The following MROH6 variants were observed in gnomAD, a reference collection of about 807,000 sequenced individuals.
MROH6 encodes maestro heat like repeat family member 6.
In MROH6, 62 loss-of-function variants were observed where a neutral mutation model predicts 67.7. The observed-to-expected ratio is 0.92, with a 90% CI of 0.75 to 1.13. The LOEUF (loss-of-function observed/expected upper bound fraction) is 1.13, where lower values mean the gene tolerates loss of function less well. MROH6 is among the 50% of genes most tolerant of loss of function. The pLI is 0.00. For synonymous variants in MROH6, 566 were observed against 470.8 expected (o/e 1.20, Z -2.62); for missense variants, 1,175 against 1,029.1 (o/e 1.14, Z -1.94).
chr8:143,572,157 ACTCC>A lies in MROH6; in HGVS notation c.319_322del (p.Gly107PhefsTer57). 6.2e-7 allele frequency: 1 copy of A among 1,612,800 alleles called. No homozygotes were observed. On this transcript the variant is annotated frameshift_variant, in exon 2 of 14. Coordinates refer to ENST00000398882, the MANE Select transcript of MROH6 (RefSeq NM_001100878.2). LOFTEE classifies it high-confidence loss of function. Reference sequence around the variant, plus strand: ...CGTGTACAACGCGAGGTCGGCAAGAACTCCCTCCTCCCAGGAACTCTGGGGAACC... The same window carrying A: ...CGTGTACAACGCGAGGTCGGCAAGAACTCCTCCCAGGAACTCTGGGGAACC...
intron 1 of MROH6, 29 bp downstream of exon 1, chr8:143,572,392 C>T (rs1190343793): frequency 5.2e-6 from 8 of 1,527,398 alleles, no homozygotes; most frequent in Admixed American, 3.9e-5. Flanking sequence ...CAGGCCGGTT[C>T]GCACAACATC....
In MROH6 at chr8:143,567,625, T is replaced by A. The variant is rs1437482031; in HGVS notation, c.1919A>T (p.Asp640Val). 6.4e-7 allele frequency: 1 copy of A among 1,565,450 alleles called. No individual in the cohort carries two copies. Among genetic ancestry groups the A allele is most frequent in the East Asian group, 2.4e-5 (1 of 41,866 alleles). ...TGGGGCCTCACCCTGGAACAGGGAG[T>A]CCAGCAGGTCCTGGTTGACACAGCC... Reference protein sequence around the residue: ...SPGCVNQDLLDSLFQDLGRLQ... With the variant: ...SPGCVNQDLLVSLFQDLGRLQ... The change falls in exon 13 of 14, where the codon GAC becomes GTC. Residue 640 changes from aspartate to valine, a missense_variant. Physicochemically the swap from Asp to Val is radical, Grantham distance 152 (BLOSUM62 -3). Coordinates refer to ENST00000398882, the MANE Select transcript of MROH6 (RefSeq NM_001100878.2).
At position 143,566,954 on chromosome 8, in the gene MROH6, A is replaced by C; in HGVS notation, c.*285T>G. 3.6e-6 allele frequency: 1 copy of C among 281,216 alleles called. No homozygotes were observed. Among genetic ancestry groups the C allele is most frequent in the Non-Finnish European group, 6.7e-6 (1 of 150,124 alleles). 17.4% of individuals were successfully genotyped at this position (281,216 alleles called of 1,614,324 possible). Reference sequence around the variant, plus strand: ...GGTCCCCCAGCAGACTCAAGAGGCCAGGTGCCATCTGGGCCAGGAGCCAGG... The same window carrying C: ...GGTCCCCCAGCAGACTCAAGAGGCCCGGTGCCATCTGGGCCAGGAGCCAGG... On this transcript the variant is annotated 3_prime_UTR_variant, in exon 14 of 14. Transcript: ENST00000398882.
Position 143,569,860 on chromosome 8 carries a change from T to A in MROH6, c.1159-20A>T. The A allele has an allele frequency of 6.2e-7, 1 of 1,609,938 alleles. No homozygotes were observed. The highest frequency in any genetic ancestry group is 8.5e-7 in the Non-Finnish European group (1 of 1,178,386). ...CAACAGCTAGGCGAGGCACATGGGGTCAGCACGCCCGCGGTCCCCGTGCAG... is the reference window on the plus strand; with the variant it reads ...CAACAGCTAGGCGAGGCACATGGGGACAGCACGCCCGCGGTCCCCGTGCAG... On this transcript the variant is annotated intron_variant, in intron 7 of 13. Coordinates refer to ENST00000398882, the MANE Select transcript of MROH6 (RefSeq NM_001100878.2).
At chr8:143,570,688 G>A (rs1206441573) in intron 4 of MROH6, 31 bp from the exon 5 acceptor site, 2 of 1,570,392 alleles carry the variant, frequency 1.3e-6, no homozygotes. Flanking sequence ...TCAGGCCTGG[G>A]GCACGCCTGG....
Position 143,570,373 on chromosome 8 carries a change from C to T in MROH6, c.913G>A (p.Val305Met). 1 of 1,610,894 alleles carries T rather than the reference C, an allele frequency of 6.2e-7. No individual in the cohort carries two copies. The highest frequency in any genetic ancestry group is 8.5e-7 in the Non-Finnish European group (1 of 1,179,562). Residue 305 changes from valine (V) to methionine (M), a missense_variant, in exon 6 of 14, where the codon GTG becomes ATG. Transcript: ENST00000398882. ...GTGAGCAGCGCCTTCAAGGCCTCCACAGCACAGCTGGTGGTGGGGACAGTG... is the reference window on the plus strand; with the variant it reads ...GTGAGCAGCGCCTTCAAGGCCTCCATAGCACAGCTGGTGGTGGGGACAGTG... The part of the protein sequence containing the change: ...GPPHSHASCA[V>M]EALKALLTGD...
rs200198440 is a variant in MROH6 at position 143,570,605 on chromosome 8, G to T, written c.773C>A (p.Thr258Lys). ...CAGCAGATGTGGGTAGAAGCCCCTC[G>T]TGGCTCCCACGCAGCCCGAAACAGC... is the stretch of plus-strand genomic sequence containing the variant. ...MLAVSGCVGA[T>K]RGFYPHLLLA... The change falls in exon 5 of 14, where the codon ACG (threonine) becomes AAG (lysine). Residue 258 changes from threonine to lysine, a missense_variant. Thr to Lys is a moderately conservative substitution (Grantham distance 78). Transcript: ENST00000398882. The T allele has an allele frequency of 2.3e-5, 37 of 1,602,704 alleles. No individual in the cohort carries two copies. Among genetic ancestry groups the T allele is most frequent in the Non-Finnish European group, 3.1e-5 (37 of 1,179,744 alleles).
chr8:143,569,487 A>G lies in MROH6; in HGVS notation c.1430T>C (p.Leu477Pro). Residue 477 changes from leucine (L) to proline (P), a missense_variant, in exon 9 of 14, where the codon CTC becomes CCC. Transcript: ENST00000398882. Reference sequence around the variant, plus strand: ...GCGCGGTCCCAGCTCCGCGCTCAGGAGCCGCACAGGCGCCCGGGGCCGCAG... The same window carrying G: ...GCGCGGTCCCAGCTCCGCGCTCAGGGGCCGCACAGGCGCCCGGGGCCGCAG... ...LLLRPRAPVR[L>P]LSAELGPRLP... is the part of the protein sequence containing the mutation. 14 of 1,481,390 alleles carry G rather than the reference A, an allele frequency of 9.5e-6. No individual in the cohort carries two copies. In the South Asian group the frequency reaches 1.0e-4, roughly 11 times the overall value. 91.8% of individuals were successfully genotyped at this position (1,481,390 alleles called of 1,614,324 possible). A position where few individuals can be genotyped will look rare whatever the true frequency, so the allele number is the denominator to read the frequency against.
chr8:143,570,036 AGGT>A lies in MROH6; in HGVS notation c.1070_1072del (p.His357del), dbSNP rs776614417. On this transcript the variant is annotated inframe_deletion, in exon 7 of 14. Coordinates refer to ENST00000398882, the MANE Select transcript of MROH6 (RefSeq NM_001100878.2). ...GAGCAAGTCTGCGAAGAGGCCTCGC[AGGT>A]GGTGGTCGGCATGTGCCACCATAGC... 5 of 1,612,496 alleles carry A rather than the reference AGGT, an allele frequency of 3.1e-6. No homozygotes were observed. The African/African-American group carries it at 5.3e-5, about 17-fold the overall frequency.
At chr8:143,568,043 G>A in intron 11 of MROH6, 99 bp downstream of exon 11, 2 of 1,497,112 alleles carry the variant, frequency 1.3e-6, no homozygotes, top group Non-Finnish European at 9.0e-7. Flanking sequence ...AGCCTATCTG[G>A]TTTGGCTGCA....
In MROH6 at chr8:143,568,165, G is replaced by A. The variant is rs1823742444; in HGVS notation, c.1741C>T (p.Leu581=). ...ACCAGGCGGCAGCAGAGGTGGCTCA[G>A]GGCCTCGGGGCTGTCATAGTGGGCC... ...TVAHYDSPEA[L]SHLCCRLVQR... Residue 581 remains leucine (L), a synonymous_variant, in exon 11 of 14, where the codon CTG becomes TTG. Transcript: ENST00000398882. 6.2e-7 allele frequency: 1 copy of A among 1,609,514 alleles called. No individual in the cohort carries two copies. Among genetic ancestry groups the A allele is most frequent in the Admixed American group, 1.7e-5 (1 of 59,634 alleles).
Position 143,567,641 on chromosome 8 carries a change from TG to T in MROH6, c.1902del (p.Asn635ThrfsTer12). On this transcript the variant is annotated frameshift_variant, in exon 13 of 14. Coordinates refer to ENST00000398882, the MANE Select transcript of MROH6 (RefSeq NM_001100878.2). LOFTEE classifies it low-confidence loss of function (END_TRUNC). ...FLVHHASPGCVNQDLLDSLFQ... is the reference protein window; with the variant it reads ...FLVHHASPGCXNQDLLDSLFQ... ...AACAGGGAGTCCAGCAGGTCCTGGT[TG>T]ACACAGCCGGGGCTGGCGTGGTGGA... The T allele has an allele frequency of 6.4e-7, 1 of 1,573,038 alleles. No individual in the cohort carries two copies. The highest frequency in any genetic ancestry group is 8.6e-7 in the Non-Finnish European group (1 of 1,160,052).
intron 9 of MROH6, 112 bp downstream of exon 9, chr8:143,569,329 A>G (rs1166101389): frequency 8.4e-6 from 6 of 714,092 alleles, no homozygotes; most frequent in African/African-American, 3.1e-5. Context: ...GGGGCCTGAG[A>G]GGGCGGGGCC....
rs547346654 is a variant in MROH6 at position 143,568,485 on chromosome 8, G to A, written c.1644+67C>T. 777 of 1,461,466 alleles carry A rather than the reference G, an allele frequency of 5.3e-4. 1 individual carries two copies. The highest frequency in any genetic ancestry group is 6.2e-4 in the Non-Finnish European group (682 of 1,107,938). 90.5% of individuals were successfully genotyped at this position (1,461,466 alleles called of 1,614,324 possible). A position where few individuals can be genotyped will look rare whatever the true frequency, so the allele number is the denominator to read the frequency against. On this transcript the variant is annotated intron_variant, in intron 10 of 13. Coordinates refer to ENST00000398882, the MANE Select transcript of MROH6 (RefSeq NM_001100878.2). ...AGTCCCTGACCTGTAATTGTCGGAG[G>A]GGAGGCACGGTGGGAGTGGTGAGTG...
chr8:143,569,004 G>A, intron 9 of MROH6: 1 of 414,190 alleles, frequency 2.4e-6, no homozygotes, highest in Non-Finnish European at 4.1e-6. Flanking sequence ...ACAGCAGGCG[G>A]GAGGGGCGGG....
At position 143,569,458 on chromosome 8, in the gene MROH6, G is replaced by C. The variant is rs1823861364; in HGVS notation, c.1459C>G (p.Pro487Ala). 7.5e-6 allele frequency: 11 copies of C among 1,460,808 alleles called. No homozygotes were observed. Among genetic ancestry groups the C allele is most frequent in the African/African-American group, 1.5e-5 (1 of 67,288 alleles). 90.5% of individuals were successfully genotyped at this position (1,460,808 alleles called of 1,614,324 possible). ...LLSAELGPRL[P>A]PLLDDTRDSI... is the part of the protein sequence containing the mutation. ...TTGCTCACGTCGTCCAGTAGCGGAG[G>C]GAGGCGCGGTCCCAGCTCCGCGCTC... Residue 487 changes from proline (P) to alanine (A), a missense_variant, in exon 9 of 14, where the codon CCT becomes GCT. Transcript: ENST00000398882.
chr8:143,567,297 G>A lies in MROH6; in HGVS notation c.2102C>T (p.Pro701Leu). The A allele has an allele frequency of 8.2e-7, 1 of 1,221,974 alleles. No homozygotes were observed. The highest frequency in any genetic ancestry group is 1.0e-6 in the Non-Finnish European group (1 of 981,582). The allele number at this position is 1,221,974 out of a possible 1,614,324, so 75.7% of individuals were successfully genotyped here. A position where few individuals can be genotyped will look rare whatever the true frequency, so the allele number is the denominator to read the frequency against. ...ARPPPVFADS[P>L]FQRRSVAGRW... is the part of the protein sequence containing the mutation. ...GCCCGCGACGCTCCGGCGCTGGAAG[G>A]GGCTGTCGGCGAAGACTGGTGGGGG... The change falls in exon 14 of 14, where the codon CCC becomes CTC. Residue 701 changes from proline to leucine, a missense_variant. By Grantham distance (98) the Pro-to-Leu change is moderately conservative. Transcript: ENST00000398882.
At position 143,567,416 on chromosome 8, in the gene MROH6, C is replaced by A; in HGVS notation, c.1983G>T (p.Ala661=). 7.6e-7 allele frequency: 1 copy of A among 1,318,214 alleles called. No homozygotes were observed. Among genetic ancestry groups the A allele is most frequent in the Non-Finnish European group, 9.7e-7 (1 of 1,033,424 alleles). 81.7% of individuals were successfully genotyped at this position (1,318,214 alleles called of 1,614,324 possible). Residue 661 remains alanine, a synonymous_variant, in exon 14 of 14, where the codon GCG becomes GCT. Transcript: ENST00000398882. The part of the protein sequence containing the change: ...SDPKPAVAAA[A]HVSAQQVAML... ...TCGCCACCTGCTGAGCGGACACGTG[C>A]GCTGCCGCGGCCACAGCCGGCTTGG...
chr8:143,572,133 G>C lies in MROH6; in HGVS notation c.347C>G (p.Thr116Arg), dbSNP rs147170425. The C allele has an allele frequency of 1.2e-6, 2 of 1,613,046 alleles. No individual in the cohort carries two copies. The highest frequency in any genetic ancestry group is 1.7e-6 in the Non-Finnish European group (2 of 1,179,864). ...EGVLADLALY[T>R]AACLEEAGFA... ...GCCAGCCTCCTCCAGGCAGGCAGCC[G>C]TGTACAACGCGAGGTCGGCAAGAAC... is the stretch of plus-strand genomic sequence containing the variant. Residue 116 changes from threonine to arginine, a missense_variant, in exon 2 of 14, where the codon ACG becomes AGG. Coordinates refer to ENST00000398882, the MANE Select transcript of MROH6 (RefSeq NM_001100878.2).
Sources: allele counts gnomAD v4.1 joint callset, GRCh38; gene constraint gnomAD v4.1.1; transcripts MANE v1.5; gene names NCBI Gene and HGNC (gene_info 2026-07-23, HGNC 2026-07-21).